Variants in TNRC6B observed in about 807,000 individuals in gnomAD.
TNRC6B encodes trinucleotide repeat-containing gene 6B protein.
In TNRC6B, 52 loss-of-function variants were observed where a neutral mutation model predicts 203.6. That is an observed-to-expected ratio of 0.26 (90% CI 0.20 to 0.32). TNRC6B has a LOEUF of 0.32. Ranked by LOEUF, TNRC6B falls within the 10% of genes least tolerant of loss-of-function variation. The pLI is 1.00. For synonymous variants in TNRC6B, 838 were observed against 845.7 expected, an observed-to-expected ratio of 0.99 and a Z score of 0.16; for missense variants, 1,923 against 2,286.2, an observed-to-expected ratio of 0.84 and a Z score of 3.24.
At chr22:40,300,758 A>G in intron 13 of TNRC6B, 152 bp from the exon 14 acceptor site, 1 of 1,228,644 alleles carries the variant, frequency 8.1e-7, no homozygotes, top group Admixed American at 2.6e-5. Context: ...ACTGGAGGAA[A>G]ATGTAACCAA....
chr22:40,318,761 C>T (rs2071293931), intron 21 of TNRC6B, among the ~76,000 whole-genome samples: 1 of 152,062 alleles, frequency 6.6e-6, no homozygotes, highest in South Asian at 2.1e-4. Context: ...ATCGGCTGTT[C>T]ACTTGTTCTA....
intron 1 of TNRC6B, among the ~76,000 whole-genome samples, chr22:40,062,097 A>G (rs1445351293): frequency 6.6e-6 from 1 of 152,004 alleles, no homozygotes; most frequent in African/African-American, 2.4e-5. Flanking sequence ...AAACTTTACA[A>G]CTATATGTCT....
chr22:40,300,816 G>A, intron 13 of TNRC6B, 94 bp from the exon 14 acceptor site: 1 of 1,305,006 alleles, frequency 7.7e-7, no homozygotes, highest in Non-Finnish European at 1.1e-6. Flanking sequence ...TTTTGATTGT[G>A]TGACCTGTAC....
At chr22:40,217,616 GA>G (rs2069652408) in intron 1 of TNRC6B, among the ~76,000 whole-genome samples, 3 of 152,318 alleles carry the variant, frequency 2.0e-5, no homozygotes, top group Admixed American at 2.0e-4. Context: ...TGCAGATGCT[GA>G]AAAAGATGCC....
At chr22:40,288,735 A>T (rs929229509) in intron 12 of TNRC6B, among the ~76,000 whole-genome samples, 1 of 147,426 alleles carries the variant, frequency 6.8e-6, no homozygotes, top group Non-Finnish European at 1.5e-5. Flanking sequence ...TAGAGACGGC[A>T]TTTCACTATG....
chr22:40,132,965 A>ATATAT lies in TNRC6B; in HGVS notation c.45+7103_45+7104insTATAT, dbSNP rs1555884674. 2.2e-3 allele frequency among the ~76,000 whole-genome samples: 145 copies of ATATAT among 67,116 alleles called. 2 individuals carry two copies. The highest frequency in any genetic ancestry group is 7.3e-3 in the African/African-American group (139 of 19,112). The allele number at this position is 67,116 out of a possible 152,430, so 44.0% of individuals were successfully genotyped here. ...TCTCAAAAAAAAAAAAAAAAAAAAA[A>ATATAT]AAAAATATATATATATATATATATA... On this transcript the variant is annotated intron_variant, in intron 3 of 23. Coordinates refer to the TNRC6B transcript ENST00000301923.
intron 1 of TNRC6B, among the ~76,000 whole-genome samples, chr22:40,229,617 C>T (rs935608061): frequency 6.6e-6 from 1 of 152,166 alleles, no homozygotes; most frequent in African/African-American, 2.4e-5. Flanking sequence ...CCACCCTTCT[C>T]TGCCCCTTCT....
At chr22:40,267,511 A>G (rs1364358325) in intron 5 of TNRC6B, among the ~76,000 whole-genome samples, 2 of 152,172 alleles carry the variant, frequency 1.3e-5, no homozygotes, top group Non-Finnish European at 2.9e-5. Context: ...GGAAGGTTTC[A>G]GTCTCTTTCT....
chr22:40,083,527 A>G (rs912356249), intron 1 of TNRC6B, among the ~76,000 whole-genome samples: 2 of 152,180 alleles, frequency 1.3e-5, no homozygotes, highest in Admixed American at 6.5e-5. Flanking sequence ...AAAATGGAGT[A>G]TTAGCTGAAG....
At chr22:40,271,751 C>T (rs1195863848) in intron 6 of TNRC6B, among the ~76,000 whole-genome samples, 2 of 152,202 alleles carry the variant, frequency 1.3e-5, no homozygotes, top group Non-Finnish European at 2.9e-5. Flanking sequence ...TCCTCAGATT[C>T]TAAAAATGTC....
chr22:40,112,551 G>T (rs539107676), intron 1 of TNRC6B, among the ~76,000 whole-genome samples: 5 of 152,296 alleles, frequency 3.3e-5, no homozygotes, highest in African/African-American at 1.2e-4. Context: ...CCAGTGGCTG[G>T]ATCTTCAGTA....
At chr22:40,090,462 A>G (rs1163303312) in intron 1 of TNRC6B, among the ~76,000 whole-genome samples, 1 of 149,766 alleles carries the variant, frequency 6.7e-6, no homozygotes, top group African/African-American at 2.5e-5. Flanking sequence ...ATCTTTTCGT[A>G]TCCTTATTTG....
chr22:40,104,646 C>G (rs1297545330), intron 1 of TNRC6B, among the ~76,000 whole-genome samples: 2 of 152,204 alleles, frequency 1.3e-5, no homozygotes, highest in African/African-American at 4.8e-5. Context: ...AACTATAATT[C>G]TGGGCCATGG....
At chr22:40,117,964 A>C (rs1447631077) in intron 2 of TNRC6B, among the ~76,000 whole-genome samples, 1 of 152,186 alleles carries the variant, frequency 6.6e-6, no homozygotes, top group African/African-American at 2.4e-5. Flanking sequence ...GGCCCCCACA[A>C]GCAAGAAAGG....
intron 1 of TNRC6B, among the ~76,000 whole-genome samples, chr22:40,109,659 G>C (rs1439092907): frequency 4.6e-5 from 7 of 152,120 alleles, no homozygotes; most frequent in African/African-American, 1.7e-4. Flanking sequence ...AGCTCTTTGA[G>C]GTCCTCCATA....
chr22:40,081,488 T>G (rs1365390242), intron 1 of TNRC6B, among the ~76,000 whole-genome samples: 1 of 152,172 alleles, frequency 6.6e-6, no homozygotes, highest in Admixed American at 6.5e-5. Context: ...TGAAACGTTT[T>G]TCATAATGCT....
At chr22:40,321,457 G>T (rs1301291653) in intron 22 of TNRC6B, 7 of 491,156 alleles carry the variant, frequency 1.4e-5, no homozygotes, top group Non-Finnish European at 2.5e-5. Flanking sequence ...AATTCCAAAC[G>T]TAAATAATTT....
intron 1 of TNRC6B, among the ~76,000 whole-genome samples, chr22:40,052,537 A>G (rs1049392694): frequency 2.1e-5 from 3 of 139,808 alleles, no homozygotes; most frequent in African/African-American, 5.5e-5. Flanking sequence ...GCTCATTGCA[A>G]CCTCCATCTC....
chr22:40,270,066 A>G, intron 5 of TNRC6B, 56 bp from the exon 6 acceptor site: 4 of 1,531,484 alleles, frequency 2.6e-6, no homozygotes, highest in Non-Finnish European at 3.5e-6. Flanking sequence ...ACCCCACTGG[A>G]TATTATGGCA....
Sources: gnomAD v4.1 joint callset for allele counts (sites outside exome capture counted in the v4.1 genomes callset) on GRCh38, gnomAD v4.1.1 for gene constraint, MANE v1.5 for transcripts, NCBI Gene and HGNC (gene_info 2026-07-23, HGNC 2026-07-21) for gene names.